Variants in ZBTB20 observed in about 807,000 individuals in gnomAD.
ZBTB20 encodes the protein zinc finger and BTB domain-containing protein 20.
ZBTB20 carries 9 observed loss-of-function variants against 56.9 expected under a neutral mutation model. That is an observed-to-expected ratio of 0.16 (90% CI 0.10 to 0.28). ZBTB20 has a LOEUF of 0.28. Ranked by LOEUF, ZBTB20 falls within the 10% of genes least tolerant of loss-of-function variation. The pLI, the probability that ZBTB20 is intolerant of heterozygous loss-of-function variation, is 1.00. For synonymous variants in ZBTB20, 417 were observed against 420.7 expected, an observed-to-expected ratio of 0.99 and a Z score of 0.11; for missense variants, 655 against 1,003.0, an observed-to-expected ratio of 0.65 and a Z score of 4.69.
intron 6 of ZBTB20, among the ~76,000 whole-genome samples, chr3:114,565,815 T>A (rs1250012426): frequency 2.6e-5 from 4 of 151,974 alleles, no homozygotes; most frequent in Non-Finnish European, 5.9e-5. Context: ...AGAAGTGAAA[T>A]TCTTAGTTCT....
intron 6 of ZBTB20, among the ~76,000 whole-genome samples, chr3:114,608,069 T>G (rs182111215): frequency 2.2e-4 from 34 of 152,224 alleles, no homozygotes; most frequent in African/African-American, 7.5e-4. Context: ...CTAGGAACTT[T>G]TATGTGATGA....
At chr3:114,844,109 C>T (rs892790729) in intron 4 of ZBTB20, among the ~76,000 whole-genome samples, 1 of 151,704 alleles carries the variant, frequency 6.6e-6, no homozygotes, top group Non-Finnish European at 1.5e-5. Flanking sequence ...TATGTCTATA[C>T]AGTGGAATAC....
At chr3:114,885,541 A>G (rs2076571592) in intron 4 of ZBTB20, among the ~76,000 whole-genome samples, 1 of 149,936 alleles carries the variant, frequency 6.7e-6, no homozygotes, top group Non-Finnish European at 1.5e-5. Context: ...ACCAGAAAGA[A>G]ATCTGCTATC....
intron 2 of ZBTB20, among the ~76,000 whole-genome samples, chr3:115,033,245 C>T (rs1012034062): frequency 4.0e-5 from 6 of 151,230 alleles, no homozygotes; most frequent in South Asian, 2.1e-4. Flanking sequence ...GCTAGGCCAA[C>T]GAATTGGATA....
At chr3:114,395,875 T>G (rs1020608094) in intron 7 of ZBTB20, among the ~76,000 whole-genome samples, 2 of 152,138 alleles carry the variant, frequency 1.3e-5, no homozygotes, top group Non-Finnish European at 2.9e-5. Flanking sequence ...GACCTCTTGA[T>G]TCCTCTTTGA....
chr3:115,082,619 G>C (rs564300402), intron 1 of ZBTB20, among the ~76,000 whole-genome samples: 1 of 152,036 alleles, frequency 6.6e-6, no homozygotes. Context: ...CCTTATACTT[G>C]AGCCTGAATA....
chr3:114,995,008 T>C (rs565147954), intron 2 of ZBTB20, among the ~76,000 whole-genome samples: 1 of 151,982 alleles, frequency 6.6e-6, no homozygotes, highest in Non-Finnish European at 1.5e-5. Context: ...TGGTGAGAAA[T>C]GACTTATGTA....
At chr3:115,042,254 C>G (rs771428144) in intron 2 of ZBTB20, among the ~76,000 whole-genome samples, 1 of 152,160 alleles carries the variant, frequency 6.6e-6, no homozygotes, top group Non-Finnish European at 1.5e-5. Flanking sequence ...CTACTTAAAA[C>G]CCTATCACAA....
At chr3:114,361,931 G>A (rs975120326) in intron 10 of ZBTB20, among the ~76,000 whole-genome samples, 1 of 152,210 alleles carries the variant, frequency 6.6e-6, no homozygotes, top group African/African-American at 2.4e-5. Flanking sequence ...TAGTGCAGTA[G>A]TGCTGGCAGT....
intron 4 of ZBTB20, among the ~76,000 whole-genome samples, chr3:114,862,933 T>A (rs1414660893): frequency 6.6e-6 from 1 of 152,170 alleles, no homozygotes; most frequent in Non-Finnish European, 1.5e-5. Context: ...ATTGAATACA[T>A]ACTATGTGCC....
chr3:114,964,088 C>A (rs556238734), intron 3 of ZBTB20, among the ~76,000 whole-genome samples: 1 of 152,218 alleles, frequency 6.6e-6, no homozygotes, highest in African/African-American at 2.4e-5. Context: ...TCTCAAGAAG[C>A]TTACCATCTA....
chr3:114,787,330 G>GT (rs200410528), intron 5 of ZBTB20, among the ~76,000 whole-genome samples: 230 of 24,924 alleles, frequency 9.2e-3, no homozygotes, highest in South Asian at 0.019. Context: ...GTCTTAAAAG[G>GT]TTATATATAT....
Position 114,812,289 on chromosome 3 carries a change from T to C in ZBTB20, c.-416-11115A>G, listed in dbSNP as rs2072590594. Among the ~76,000 whole-genome samples the C allele has an allele frequency of 3.3e-5, 5 of 152,256 alleles. No individual in the cohort carries two copies. In the South Asian group the frequency reaches 1.0e-3, roughly 32 times the overall value. ...TGCTGATTGGTGCGTTTACAATCCC[T>C]GAGCTAGACACAAAGGTTCTCCACA... On this transcript the variant is annotated intron_variant, in intron 4 of 11. Transcript: ENST00000675478.
chr3:115,080,977 TAGAAGA>T (rs1308652360), intron 1 of ZBTB20, among the ~76,000 whole-genome samples: 2 of 152,126 alleles, frequency 1.3e-5, no homozygotes, highest in African/African-American at 2.4e-5. Context: ...TGGCACAGAA[TAGAAGA>T]ATATAGAAAT....
At chr3:114,553,084 G>T (rs556734409) in intron 6 of ZBTB20, among the ~76,000 whole-genome samples, 35 of 152,198 alleles carry the variant, frequency 2.3e-4, no homozygotes, top group African/African-American at 8.4e-4. Flanking sequence ...AAAGCAACTG[G>T]GAGCAATGCC....
At chr3:114,457,636 T>C (rs968073626) in intron 7 of ZBTB20, among the ~76,000 whole-genome samples, 1 of 152,154 alleles carries the variant, frequency 6.6e-6, no homozygotes, top group Non-Finnish European at 1.5e-5. Context: ...GCCAACATAT[T>C]ACTAATTGGC....
At chr3:114,657,156 C>G (rs952161206) in intron 6 of ZBTB20, among the ~76,000 whole-genome samples, 2 of 152,186 alleles carry the variant, frequency 1.3e-5, no homozygotes, top group African/African-American at 4.8e-5. Flanking sequence ...TTATCTTTCT[C>G]TAATGCAATG....
intron 3 of ZBTB20, among the ~76,000 whole-genome samples, chr3:114,905,597 T>C (rs1161499890): frequency 6.6e-6 from 1 of 151,910 alleles, no homozygotes; most frequent in Non-Finnish European, 1.5e-5. Context: ...TGTTAGCTTG[T>C]ATTCTTGATG....
intron 6 of ZBTB20, chr3:114,520,182 T>C (rs530492101): frequency 6.6e-6 from 1 of 152,250 alleles, no homozygotes; most frequent in South Asian, 2.1e-4. Flanking sequence ...AGAATAAAGA[T>C]GACTTCTCTC....
Sources: gnomAD v4.1 joint callset for allele counts (sites outside exome capture counted in the v4.1 genomes callset) on GRCh38, gnomAD v4.1.1 for gene constraint, MANE v1.5 for transcripts, NCBI Gene and HGNC (gene_info 2026-07-23, HGNC 2026-07-21) for gene names.